The following PPARGC1A variants were observed in gnomAD, a reference collection of about 807,000 sequenced individuals.
PPARGC1A encodes PPARG coactivator 1 alpha.
In PPARGC1A, 25 loss-of-function variants were observed where a neutral mutation model predicts 88.7. The observed-to-expected ratio is 0.28, with a 90% CI of 0.21 to 0.39. PPARGC1A has a LOEUF of 0.39. Among genes scored for constraint, PPARGC1A ranks in the 10% least tolerant of loss-of-function variants. PPARGC1A has a pLI of 1.00. For synonymous variants in PPARGC1A, 363 were observed against 355.6 expected, an observed-to-expected ratio of 1.02 and a Z score of -0.24; for missense variants, 880 against 968.7, an observed-to-expected ratio of 0.91 and a Z score of 1.22.
chr4:23,903,588 G>A (rs1719677909), upstream of PPARGC1A, among the ~76,000 whole-genome samples: 1 of 152,148 alleles, frequency 6.6e-6, no homozygotes, highest in South Asian at 2.1e-4. Context: ...ATGCAATACA[G>A]TGGTCCTCGC....
At chr4:24,373,409 C>T in the PPARGC1A span, among the ~76,000 whole-genome samples, 9 of 152,228 alleles carry the variant, frequency 5.9e-5, no homozygotes, top group South Asian at 1.5e-3. Context: ...TCAAAATTAG[C>T]TTTTCCCTAT....
At chr4:23,846,212 C>T (rs1453291481) in intron 2 of PPARGC1A, among the ~76,000 whole-genome samples, 1 of 152,112 alleles carries the variant, frequency 6.6e-6, no homozygotes, top group Non-Finnish European at 1.5e-5. Context: ...CATTGTGGCT[C>T]CTATAACGAT....
At chr4:23,962,504 A>G in the PPARGC1A span, among the ~76,000 whole-genome samples, 3 of 152,200 alleles carry the variant, frequency 2.0e-5, no homozygotes, top group Non-Finnish European at 4.4e-5. Flanking sequence ...AGGCTGCCCA[A>G]GACAATGAGA....
the PPARGC1A span, among the ~76,000 whole-genome samples, chr4:24,440,329 G>A: frequency 3.3e-5 from 5 of 152,110 alleles, no homozygotes; most frequent in Admixed American, 6.5e-5. Flanking sequence ...TTTCTTTCAA[G>A]CTCCTCATCG....
At chr4:23,864,798 G>A (rs541534966) in intron 2 of PPARGC1A, among the ~76,000 whole-genome samples, 54 of 152,162 alleles carry the variant, frequency 3.5e-4, no homozygotes, top group Non-Finnish European at 6.9e-4. Context: ...TCTTAAAGGG[G>A]ACTAAAGATC....
the PPARGC1A span, among the ~76,000 whole-genome samples, chr4:23,990,517 T>C: frequency 3.3e-3 from 498 of 152,162 alleles, 5 homozygotes; most frequent in African/African-American, 0.012. Context: ...CATGCTTCCA[T>C]GAAACATAAG....
At chr4:23,818,839 C>CTTTTTTTTTT (rs762478316) in intron 7 of PPARGC1A, among the ~76,000 whole-genome samples, 1 of 49,022 alleles carries the variant, frequency 2.0e-5, no homozygotes, top group East Asian at 8.0e-4. Context: ...CCAATGGCAT[C>CTTTTTTTTTT]TTTTTTTTTT....
At chr4:24,095,003 C>T in the PPARGC1A span, among the ~76,000 whole-genome samples, 1 of 152,062 alleles carries the variant, frequency 6.6e-6, no homozygotes, top group African/African-American at 2.4e-5. Context: ...GAGGACACTG[C>T]TGGGAGATTC....
the PPARGC1A span, among the ~76,000 whole-genome samples, chr4:24,451,918 C>T: frequency 6.6e-6 from 1 of 152,130 alleles, no homozygotes; most frequent in South Asian, 2.1e-4. Flanking sequence ...GGCCATGGTG[C>T]CCAGATATTT....
rs181229884 is a variant in PPARGC1A at position 23,810,511 on chromosome 4, T to C, written c.2019+2236A>G. ...TAGACCAATGACACTACTTGCTCTA[T>C]CTGTAAAGGGCCGAACTAGCAACAA... is the stretch of plus-strand genomic sequence containing the variant. On this transcript the variant is annotated intron_variant, in intron 10 of 12. Transcript: ENST00000264867. 2.9e-3 allele frequency among the ~76,000 whole-genome samples: 442 copies of C among 152,276 alleles called. 2 individuals carry two copies. The highest frequency in any genetic ancestry group is 0.01 in the African/African-American group (416 of 41,550).
chr4:24,372,754 G>A, the PPARGC1A span, among the ~76,000 whole-genome samples: 114 of 152,256 alleles, frequency 7.5e-4, no homozygotes, highest in African/African-American at 2.7e-3. Context: ...ATCTCTCTAA[G>A]CCTCAACATT....
chr4:24,461,863 G>A, the PPARGC1A span, among the ~76,000 whole-genome samples: 1 of 152,002 alleles, frequency 6.6e-6, no homozygotes, highest in Non-Finnish European at 1.5e-5. Flanking sequence ...CAGAACAAAT[G>A]TCGCTGCCTT....
chr4:24,193,955 C>G, the PPARGC1A span, among the ~76,000 whole-genome samples: 4 of 152,034 alleles, frequency 2.6e-5, no homozygotes, highest in Non-Finnish European at 2.9e-5. Context: ...ATGGTGAAAC[C>G]CTGTCTCTAC....
the PPARGC1A span, among the ~76,000 whole-genome samples, chr4:24,070,464 G>A: frequency 1.3e-5 from 2 of 152,084 alleles, no homozygotes; most frequent in Non-Finnish European, 2.9e-5. Flanking sequence ...AGGAAATGGG[G>A]TATTAGAGTG....
chr4:23,825,739 A>G lies in PPARGC1A; in HGVS notation c.758-1231T>C, dbSNP rs1397653410. Among the ~76,000 whole-genome samples, 3 of 152,172 alleles carry G rather than the reference A, an allele frequency of 2.0e-5. No individual in the cohort carries two copies. The East Asian group carries it at 5.8e-4, about 29-fold the overall frequency. ...AGTATTTGCATATTTATAGATTTAG[A>G]TCTACACAGTTGAATGGTATATCAT... On this transcript the variant is annotated intron_variant, in intron 5 of 12. Transcript: ENST00000264867.
the PPARGC1A span, among the ~76,000 whole-genome samples, chr4:24,384,921 C>T: frequency 1.3e-5 from 2 of 152,194 alleles, no homozygotes; most frequent in Admixed American, 1.3e-4. Context: ...ATTCTCCACC[C>T]TAAATCAACA....
chr4:24,472,324 G>A, the PPARGC1A span, among the ~76,000 whole-genome samples: 1 of 145,410 alleles, frequency 6.9e-6, no homozygotes, highest in Non-Finnish European at 1.5e-5. This position sits in a 1 kb window ranked among gnomAD's most constrained non-coding sequence, Gnocchi z 4.5. Context: ...AAGTGAGCGC[G>A]CGGCAGGGGG....
chr4:23,953,459 G>A, the PPARGC1A span, among the ~76,000 whole-genome samples: 3 of 152,066 alleles, frequency 2.0e-5, no homozygotes, highest in African/African-American at 7.2e-5. Flanking sequence ...GATTGGATTG[G>A]TTTAACCATA....
At chr4:23,833,348 C>A (rs1414141144) in intron 2 of PPARGC1A, among the ~76,000 whole-genome samples, 1 of 152,176 alleles carries the variant, frequency 6.6e-6, no homozygotes, top group African/African-American at 2.4e-5. Flanking sequence ...TCTTCTGGAC[C>A]ATTTTCTTTT....
Sources: gnomAD v4.1 joint callset for allele counts (sites outside exome capture counted in the v4.1 genomes callset) on GRCh38, gnomAD v4.1.1 for gene constraint, Gnocchi (gnomAD v3.1) non-coding constraint, MANE v1.5 for transcripts, NCBI Gene and HGNC (gene_info 2026-07-23, HGNC 2026-07-21) for gene names.